PHACTR2: variants seen among roughly 807,000 people sequenced by gnomAD.
PHACTR2 encodes phosphatase and actin regulator 2.
Under a neutral mutation model 76.0 loss-of-function variants are expected in PHACTR2, and 30 were observed. The ratio of observed to expected loss-of-function variants is 0.39; its 90% confidence interval spans 0.30 to 0.54. PHACTR2 has a LOEUF of 0.54. Among genes scored for constraint, PHACTR2 ranks in the 20% least tolerant of loss-of-function variants. The pLI, the probability that PHACTR2 is intolerant of heterozygous loss-of-function variation, is 0.61. For synonymous variants in PHACTR2, 292 were observed against 292.5 expected, an observed-to-expected ratio of 1.00 and a Z score of 0.02; for missense variants, 696 against 781.1, an observed-to-expected ratio of 0.89 and a Z score of 1.30.
At position 143,550,194 on chromosome 6, in the gene PHACTR2, T is replaced by G. The variant is rs1775077423; in HGVS notation, c.217+12987T>G. ...AGACTTTCTCATACACATTCTAACA[T>G]AGGAATCACCCGGGGATCTTGTTGA... On this transcript the variant is annotated intron_variant, in intron 1 of 11. Coordinates refer to the PHACTR2 transcript ENST00000367584. This position sits in a 1 kb window ranked among gnomAD's most constrained non-coding sequence, Gnocchi z 4.8. Among the ~76,000 whole-genome samples, 1 of 152,004 alleles carries G rather than the reference T, an allele frequency of 6.6e-6. No individual in the cohort carries two copies. Among genetic ancestry groups the G allele is most frequent in the South Asian group, 2.1e-4 (1 of 4,826 alleles).
intron 2 of PHACTR2, among the ~76,000 whole-genome samples, chr6:143,716,566 C>T (rs142772011): frequency 4.6e-5 from 7 of 152,314 alleles, no homozygotes; most frequent in South Asian, 4.1e-4. Context: ...CTCAAACTCC[C>T]GGGCTCAAGC....
chr6:143,678,001 G>A lies in PHACTR2; in HGVS notation c.-163G>A, dbSNP rs1777285704. The A allele has an allele frequency of 6.9e-7, 1 of 1,439,846 alleles. No homozygotes were observed. The highest frequency in any genetic ancestry group is 9.2e-7 in the Non-Finnish European group (1 of 1,091,522). 89.2% of individuals were successfully genotyped at this position (1,439,846 alleles called of 1,614,324 possible). A position where few individuals can be genotyped will look rare whatever the true frequency, so the allele number is the denominator to read the frequency against. On this transcript the variant is annotated 5_prime_UTR_variant, in exon 1 of 13. Coordinates refer to ENST00000440869, the MANE Select transcript of PHACTR2 (RefSeq NM_001100164.2). This position sits in a 1 kb window ranked among gnomAD's most constrained non-coding sequence, Gnocchi z 6.2. ...AGGATCCGCCGCGCCGGCTGCGGCC[G>A]GCCGGGCTGGGAGACCCGCGCGGGG...
At chr6:143,569,675 G>GT (rs1345005461) in intron 1 of PHACTR2, among the ~76,000 whole-genome samples, 1 of 152,164 alleles carries the variant, frequency 6.6e-6, no homozygotes, top group African/African-American at 2.4e-5. Flanking sequence ...AGACATACCT[G>GT]TTTTTTAAAT....
chr6:143,655,652 G>A (rs1342095216), intron 1 of PHACTR2, among the ~76,000 whole-genome samples: 5 of 152,144 alleles, frequency 3.3e-5, no homozygotes, highest in Non-Finnish European at 7.4e-5. Flanking sequence ...CTGTACGGAA[G>A]CCACAGATTT....
intron 6 of PHACTR2, among the ~76,000 whole-genome samples, chr6:143,770,152 A>T (rs1318510552): frequency 6.6e-6 from 1 of 152,236 alleles, no homozygotes; most frequent in Non-Finnish European, 1.5e-5. Flanking sequence ...CATAGAGTGG[A>T]ATATCATTCA....
rs933245741 is a variant in PHACTR2 at position 143,548,846 on chromosome 6, A to G, written c.217+11639A>G. Among the ~76,000 whole-genome samples, 3 of 151,994 alleles carry G rather than the reference A, an allele frequency of 2.0e-5. No individual in the cohort carries two copies. The highest frequency in any genetic ancestry group is 4.4e-5 in the Non-Finnish European group (3 of 67,944). ...TGAAATAAGGAAGCATTTTTTTAAC[A>G]TAACAAAGTGGATGTTTCATTGCAC... On this transcript the variant is annotated intron_variant, in intron 1 of 11. Coordinates refer to the PHACTR2 transcript ENST00000367584. The surrounding 1 kb of genome is among the most constrained non-coding windows in gnomAD (Gnocchi z 4.5).
In PHACTR2 at chr6:143,557,575, T is replaced by C. The variant is rs1775196061; in HGVS notation, c.217+20368T>C. On this transcript the variant is annotated intron_variant, in intron 1 of 11. Coordinates refer to the PHACTR2 transcript ENST00000367584. The surrounding 1 kb of genome is among the most constrained non-coding windows in gnomAD (Gnocchi z 5.5). ...ACCCTCACCACACAGGGTCTCGATT[T>C]TTCGAGAACTGACCGGACCATGTGG... The C allele has an allele frequency of 6.6e-6, 1 of 152,144 alleles. No individual in the cohort carries two copies. The highest frequency in any genetic ancestry group is 1.9e-4 in the East Asian group (1 of 5,182). 9.4% of individuals were successfully genotyped at this position (152,144 alleles called of 1,614,324 possible). A position where few individuals can be genotyped will look rare whatever the true frequency, so the allele number is the denominator to read the frequency against.
Position 143,709,096 on chromosome 6 carries a change from C to G in PHACTR2, c.47-2920C>G, listed in dbSNP as rs774428218. On this transcript the variant is annotated intron_variant, in intron 1 of 12. Coordinates refer to ENST00000440869, the MANE Select transcript of PHACTR2 (RefSeq NM_001100164.2). This position sits in a 1 kb window ranked among gnomAD's most constrained non-coding sequence, Gnocchi z 4.4. ...TACTCTCAGTTCCCCCTGGGTTTGCCCTCTGGTTCAAAGAGGGAAGTTGGA... is the reference window on the plus strand; with the variant it reads ...TACTCTCAGTTCCCCCTGGGTTTGCGCTCTGGTTCAAAGAGGGAAGTTGGA... 2.6e-5 allele frequency among the ~76,000 whole-genome samples: 4 copies of G among 152,144 alleles called. No individual in the cohort carries two copies. The highest frequency in any genetic ancestry group is 5.9e-5 in the Non-Finnish European group (4 of 68,026).
At chr6:143,768,079 G>T (rs145635254) in intron 6 of PHACTR2, among the ~76,000 whole-genome samples, 1 of 152,048 alleles carries the variant, frequency 6.6e-6, no homozygotes, top group Non-Finnish European at 1.5e-5. Context: ...CTTGTGATCC[G>T]CCTGCCTCAG....
chr6:143,765,416 CA>C lies in PHACTR2; in HGVS notation c.851del (p.Gln284ArgfsTer3). On this transcript the variant is annotated frameshift_variant, in exon 6 of 13. Coordinates refer to ENST00000440869, the MANE Select transcript of PHACTR2 (RefSeq NM_001100164.2). LOFTEE classifies it high-confidence loss of function. The surrounding 1 kb of genome is among the most constrained non-coding windows in gnomAD (Gnocchi z 4.1). ...CAAGGGCAAGAGAAAAACTGACAAG[CA>C]GCCAATAACTTCTCACCTGTCCTCA... Reference protein sequence around the residue: ...TTKGKRKTDKQPITSHLSSDT... With the variant: ...TTKGKRKTDKXPITSHLSSDT... 6.2e-7 allele frequency: 1 copy of C among 1,614,234 alleles called. No individual in the cohort carries two copies. Among genetic ancestry groups the C allele is most frequent in the Non-Finnish European group, 8.5e-7 (1 of 1,180,034 alleles).
rs780620073 is a variant in PHACTR2 at position 143,658,938 on chromosome 6, C to T, written c.13+50616C>T. On this transcript the variant is annotated intron_variant, in intron 1 of 11. Transcript: ENST00000305766. The surrounding 1 kb of genome is among the most constrained non-coding windows in gnomAD (Gnocchi z 4.1). ...TGCTCTGAGGCTGAGGCAGGAGAAT[C>T]GCTTGAACCCAGGAGGTGGAGGCTG... Among the ~76,000 whole-genome samples, 72 of 151,534 alleles carry T rather than the reference C, an allele frequency of 4.8e-4. No individual in the cohort carries two copies. The highest frequency in any genetic ancestry group is 8.8e-4 in the Non-Finnish European group (60 of 67,934).
chr6:143,545,008 A>G (rs1781211391), intron 1 of PHACTR2, among the ~76,000 whole-genome samples: 2 of 151,532 alleles, frequency 1.3e-5, no homozygotes, highest in Non-Finnish European at 2.9e-5. Flanking sequence ...CAGTGGTGCC[A>G]TCTCAGCTCA....
At chr6:143,564,233 A>G (rs1231372025) in intron 1 of PHACTR2, among the ~76,000 whole-genome samples, 15 of 97,030 alleles carry the variant, frequency 1.5e-4, no homozygotes, top group African/African-American at 5.5e-4. Flanking sequence ...ATATATATAT[A>G]TATGTATGCC....
chr6:143,601,423 C>T (rs1233553013), intron 1 of PHACTR2, among the ~76,000 whole-genome samples: 1 of 152,226 alleles, frequency 6.6e-6, no homozygotes, highest in Non-Finnish European at 1.5e-5. Context: ...GCCTCCTTCT[C>T]AGAGGGCTGC....
chr6:143,713,326 G>A (rs1185262138), intron 2 of PHACTR2, among the ~76,000 whole-genome samples: 6 of 152,284 alleles, frequency 3.9e-5, no homozygotes, highest in Admixed American at 3.9e-4. Flanking sequence ...TAATCCTGGA[G>A]GAGTGTGAGG....
chr6:143,693,644 T>A (rs1012268476), intron 1 of PHACTR2, among the ~76,000 whole-genome samples: 1 of 152,190 alleles, frequency 6.6e-6, no homozygotes, highest in African/African-American at 2.4e-5. Context: ...GCACACTGCA[T>A]CCATTGTCTT....
chr6:143,815,619 G>T (rs976889862), intron 12 of PHACTR2, among the ~76,000 whole-genome samples: 4 of 152,024 alleles, frequency 2.6e-5, no homozygotes, highest in African/African-American at 9.7e-5. Flanking sequence ...AGGGCTGGGC[G>T]CAGTGGCTCA....
rs1462831118 is a variant in PHACTR2, at chr6:143,548,024, CAT to C, written c.217+10819_217+10820del. On this transcript the variant is annotated intron_variant, in intron 1 of 11. Transcript: ENST00000367584. The surrounding 1 kb of genome is among the most constrained non-coding windows in gnomAD (Gnocchi z 4.5). ...ATTTTGGCCTACTATAACAAACTGT[CAT>C]AGACTGGTTGGCTTATAAATAAGAG... Among the ~76,000 whole-genome samples, 9 of 152,128 alleles carry C rather than the reference CAT, an allele frequency of 5.9e-5. No individual in the cohort carries two copies. The highest frequency in any genetic ancestry group is 1.2e-4 in the Non-Finnish European group (8 of 68,034).
chr6:143,823,629 T>G lies in PHACTR2; in HGVS notation c.1923-45T>G, dbSNP rs1435383006. ...CTTATTCAGCTCACTGCATGCAGAA[T>G]GTGCTCCTAGGCCACAGGCTTATAG... On this transcript the variant is annotated intron_variant, in intron 12 of 12. Coordinates refer to ENST00000440869, the MANE Select transcript of PHACTR2 (RefSeq NM_001100164.2). The surrounding 1 kb of genome is among the most constrained non-coding windows in gnomAD (Gnocchi z 5.7). The G allele has an allele frequency of 9.6e-6, 15 of 1,563,136 alleles. No individual in the cohort carries two copies. Among genetic ancestry groups the G allele is most frequent in the Non-Finnish European group, 1.2e-5 (14 of 1,134,716 alleles).
Sources: gnomAD v4.1 joint callset for allele counts (sites outside exome capture counted in the v4.1 genomes callset) on GRCh38, gnomAD v4.1.1 for gene constraint, Gnocchi (gnomAD v3.1) non-coding constraint, MANE v1.5 for transcripts, NCBI Gene and HGNC (gene_info 2026-07-23, HGNC 2026-07-21) for gene names.